NCLN: variants seen among roughly 807,000 people sequenced by gnomAD.
The protein encoded by NCLN is nicalin, also known as BOS complex subunit NCLN.
Under a neutral mutation model 69.5 loss-of-function variants are expected in NCLN, and 34 were observed. The ratio of observed to expected loss-of-function variants is 0.49; its 90% confidence interval spans 0.37 to 0.65. The LOEUF is 0.65. Among genes scored for constraint, NCLN ranks in the 30% least tolerant of loss-of-function variants. The pLI is 0.00. For missense variants in NCLN, 710 were observed against 804.8 expected (o/e 0.88, Z 1.42); for synonymous variants, 393 against 358.3 (o/e 1.10, Z -1.09).
chr19:3,200,584 A>G (rs1916100529), intron 5 of NCLN, among the ~76,000 whole-genome samples: 1 of 152,122 alleles, frequency 6.6e-6, no homozygotes, highest in Non-Finnish European at 1.5e-5. Flanking sequence ...TGCTGGGATT[A>G]CAGGCGTGAG....
chr19:3,199,564 G>T (rs985594156), intron 5 of NCLN, among the ~76,000 whole-genome samples: 3 of 152,196 alleles, frequency 2.0e-5, no homozygotes, highest in Non-Finnish European at 4.4e-5. Flanking sequence ...AGCGAGGGTC[G>T]GGGGCCCTGC....
chr19:3,207,225 G>A lies in NCLN; in HGVS notation c.1527G>A (p.Gln509=), dbSNP rs200603317. 6.8e-6 allele frequency: 11 copies of A among 1,613,822 alleles called. No individual in the cohort carries two copies. The highest frequency in any genetic ancestry group is 7.6e-6 in the Non-Finnish European group (9 of 1,180,038). The change falls in exon 13 of 15, where the codon CAG becomes CAA. Residue 509 remains glutamine, a synonymous_variant. Coordinates refer to ENST00000246117, the MANE Select transcript of NCLN (RefSeq NM_020170.4). ...KRDPEFVFYD[Q]LKQVMNAYRV... ...ACCCAGAGTTTGTCTTCTACGACCA[G>A]CTGAAGCAAGTGATGAATGCGTACA...
intron 12 of NCLN, 41 bp downstream of exon 12, chr19:3,206,466 C>T: frequency 1.3e-6 from 2 of 1,519,150 alleles, no homozygotes; most frequent in Non-Finnish European, 8.8e-7. Flanking sequence ...CAGCCTGGGG[C>T]CGAGGGGGAC....
Position 3,186,124 on chromosome 19 carries a change from C to T in NCLN, c.94C>T (p.Leu32=), listed in dbSNP as rs962415237. 1 of 1,597,814 alleles carries T rather than the reference C, an allele frequency of 6.3e-7. No homozygotes were observed. The highest frequency in any genetic ancestry group is 8.5e-7 in the Non-Finnish European group (1 of 1,174,374). Residue 32 remains leucine, a synonymous_variant, in exon 1 of 15, where the codon CTG becomes TTG. Transcript: ENST00000246117. ...FIVFLPAVLL[L]VAPPLPAADA... ...CGTCTTCCTGCCCGCTGTGCTGCTG[C>T]TGGTGGCGCCGCCGCTGCCTGCCGC... is the stretch of plus-strand genomic sequence containing the variant.
intron 2 of NCLN, 88 bp from the exon 3 acceptor site, chr19:3,193,196 A>ACCC: frequency 2.1e-5 from 25 of 1,206,544 alleles, no homozygotes; most frequent in South Asian, 1.2e-4. Context: ...GCCCCCTGCT[A>ACCC]CCCCCACCAG....
intron 3 of NCLN, among the ~76,000 whole-genome samples, chr19:3,194,725 A>G (rs1313581780): frequency 6.6e-6 from 1 of 150,896 alleles, no homozygotes; most frequent in Non-Finnish European, 1.5e-5. Context: ...TTAGAGAAGA[A>G]GGAAAGAGGA....
At chr19:3,190,569 G>T (rs566634790) in intron 1 of NCLN, among the ~76,000 whole-genome samples, 1 of 152,312 alleles carries the variant, frequency 6.6e-6, no homozygotes, top group African/African-American at 2.4e-5. Context: ...CGCAGGCCCC[G>T]GGAAGAGCTG....
chr19:3,195,805 G>T (rs1915940092), intron 3 of NCLN, among the ~76,000 whole-genome samples: 1 of 152,088 alleles, frequency 6.6e-6, no homozygotes, highest in Non-Finnish European at 1.5e-5. Flanking sequence ...TAAAAAAAAA[G>T]TTGTGTTTTT....
intron 4 of NCLN, among the ~76,000 whole-genome samples, chr19:3,197,176 C>T (rs567843368): frequency 1.3e-5 from 2 of 152,358 alleles, no homozygotes; most frequent in African/African-American, 4.8e-5. Flanking sequence ...TGCAGTGAGA[C>T]CCGGTAGCCT....
intron 3 of NCLN, among the ~76,000 whole-genome samples, chr19:3,194,466 GT>G (rs1237835791): frequency 6.6e-6 from 1 of 152,174 alleles, no homozygotes; most frequent in African/African-American, 2.4e-5. Flanking sequence ...GGGGCCACCT[GT>G]TTTTGTTGAT....
At chr19:3,207,156 C>T in intron 12 of NCLN, 42 bp from the exon 13 acceptor site, 1 of 1,607,800 alleles carries the variant, frequency 6.2e-7, no homozygotes, top group South Asian at 1.1e-5. Flanking sequence ...TAAGAATTAG[C>T]TGGGCGCAGT....
At chr19:3,207,162 G>T (rs374468652) in intron 12 of NCLN, 36 bp from the exon 13 acceptor site, 2 of 1,609,928 alleles carry the variant, frequency 1.2e-6, no homozygotes, top group Admixed American at 1.7e-5. Context: ...TTAGCTGGGC[G>T]CAGTGGTGCC....
chr19:3,186,946 A>G (rs1348569898), intron 1 of NCLN, among the ~76,000 whole-genome samples: 1 of 152,038 alleles, frequency 6.6e-6, no homozygotes, highest in Non-Finnish European at 1.5e-5. Flanking sequence ...CTCTGGTCCC[A>G]GTTCGTGAGT....
At chr19:3,189,508 A>C (rs1442600854) in intron 1 of NCLN, among the ~76,000 whole-genome samples, 2 of 152,206 alleles carry the variant, frequency 1.3e-5, no homozygotes, top group African/African-American at 4.8e-5. Context: ...CGAGAGGGGA[A>C]AGGTTGGCCG....
chr19:3,206,468 G>A (rs1207700959), intron 12 of NCLN, 43 bp downstream of exon 12: 13 of 1,517,984 alleles, frequency 8.6e-6, no homozygotes, highest in East Asian at 4.9e-5. Flanking sequence ...GCCTGGGGCC[G>A]AGGGGGACCT....
intron 1 of NCLN, among the ~76,000 whole-genome samples, chr19:3,189,982 C>G (rs560126314): frequency 7.9e-5 from 12 of 152,364 alleles, no homozygotes; most frequent in African/African-American, 2.6e-4. Flanking sequence ...TGCTGCTGCT[C>G]CTTCCCTTCT....
intron 1 of NCLN, among the ~76,000 whole-genome samples, chr19:3,190,513 G>A (rs1320082840): frequency 8.5e-5 from 13 of 152,338 alleles, no homozygotes. Context: ...GCTGGACACA[G>A]AGCTGGGGAC....
chr19:3,206,057 C>T, intron 10 of NCLN, 31 bp downstream of exon 10: 1 of 1,609,534 alleles, frequency 6.2e-7, no homozygotes, highest in South Asian at 1.1e-5. Context: ...GCCGCCAGAC[C>T]CAGCCCCAGC....
At position 3,185,951 on chromosome 19, in the gene NCLN, G is replaced by C; in HGVS notation, c.-80G>C. ...CCGCAGGACCCCGGCGGCTACCCAT[G>C]CCGAGGTGAGTCCGCGGGAGCCGCC... On this transcript the variant is annotated 5_prime_UTR_variant, in exon 1 of 15. The change abolishes an upstream ATG in the 5' untranslated region. Coordinates refer to ENST00000246117, the MANE Select transcript of NCLN (RefSeq NM_020170.4). 1 of 1,189,184 alleles carries C rather than the reference G, an allele frequency of 8.4e-7. No homozygotes were observed. Among genetic ancestry groups the C allele is most frequent in the Non-Finnish European group, 1.1e-6 (1 of 920,982 alleles). 73.7% of individuals were successfully genotyped at this position (1,189,184 alleles called of 1,614,324 possible). A position where few individuals can be genotyped will look rare whatever the true frequency, so the allele number is the denominator to read the frequency against.
Sources: gnomAD v4.1 joint callset for allele counts (sites outside exome capture counted in the v4.1 genomes callset) on GRCh38, gnomAD v4.1.1 for gene constraint, MANE v1.5 for transcripts, NCBI Gene and HGNC (gene_info 2026-07-23, HGNC 2026-07-21) for gene names.